The following CTNND2 variants were observed in gnomAD, a reference collection of about 807,000 sequenced individuals.
CTNND2 encodes the protein catenin delta-2.
Under a neutral mutation model 144.4 loss-of-function variants are expected in CTNND2, and 22 were observed. The ratio of observed to expected loss-of-function variants is 0.15; its 90% CI spans 0.11 to 0.22. CTNND2 has a LOEUF of 0.22. Ranked by LOEUF, CTNND2 falls within the 10% of genes least tolerant of loss-of-function variation. The pLI is 1.00. For missense variants in CTNND2, 1,353 were observed against 1,618.8 expected (o/e 0.84, Z 2.82); for synonymous variants, 751 against 695.6 (o/e 1.08, Z -1.25).
chr5:10,992,297 G>A (rs1554018847), intron 19 of CTNND2, among the ~76,000 whole-genome samples: 2 of 152,290 alleles, frequency 1.3e-5, no homozygotes, highest in Admixed American at 1.3e-4. Flanking sequence ...CTTTATACTC[G>A]TTCCTCCTGA....
At chr5:10,990,116 T>A (rs1561131151) in intron 19 of CTNND2, among the ~76,000 whole-genome samples, 7 of 152,230 alleles carry the variant, frequency 4.6e-5, no homozygotes, top group Admixed American at 4.6e-4. Flanking sequence ...AGGACAAGCC[T>A]GGAGCTGCAA....
At chr5:11,727,528 T>A (rs1255655054) in intron 2 of CTNND2, among the ~76,000 whole-genome samples, 1 of 152,212 alleles carries the variant, frequency 6.6e-6, no homozygotes, top group African/African-American at 2.4e-5. Flanking sequence ...GCTTTTTTTT[T>A]CATTTCTAAT....
intron 10 of CTNND2, among the ~76,000 whole-genome samples, chr5:11,200,171 A>G (rs1246271575): frequency 6.6e-6 from 1 of 152,220 alleles, no homozygotes; most frequent in Non-Finnish European, 1.5e-5. Flanking sequence ...TTATCTCAGA[A>G]GACCCGCGGA....
chr5:11,059,311 C>T (rs906135542), intron 16 of CTNND2, among the ~76,000 whole-genome samples: 2 of 152,166 alleles, frequency 1.3e-5, no homozygotes, highest in Non-Finnish European at 1.5e-5. Context: ...GCAGGTCTTT[C>T]TTGTTCTGTT....
chr5:11,393,239 A>G (rs1294852268), intron 6 of CTNND2, among the ~76,000 whole-genome samples: 1 of 152,214 alleles, frequency 6.6e-6, no homozygotes, highest in Non-Finnish European at 1.5e-5. Flanking sequence ...ACCACTGTTC[A>G]GTTTTATTTT....
intron 18 of CTNND2, among the ~76,000 whole-genome samples, chr5:11,006,033 T>C (rs959561142): frequency 2.6e-5 from 4 of 151,980 alleles, no homozygotes; most frequent in African/African-American, 9.7e-5. Flanking sequence ...GAAGTTCTCA[T>C]GAGACAGGTT....
chr5:11,465,789 C>T (rs1450994765), intron 3 of CTNND2, among the ~76,000 whole-genome samples: 2 of 152,128 alleles, frequency 1.3e-5, no homozygotes, highest in African/African-American at 2.4e-5. Flanking sequence ...CTGGAGTTTG[C>T]TATTATTTCT....
At chr5:11,128,979 A>ATATATATATTATATAT (rs1561351200) in intron 12 of CTNND2, among the ~76,000 whole-genome samples, 1 of 42,414 alleles carries the variant, frequency 2.4e-5, no homozygotes, top group African/African-American at 6.8e-5. Context: ...TATAATATAT[A>ATATATATATTATATAT]AATATATATA....
intron 3 of CTNND2, among the ~76,000 whole-genome samples, chr5:11,491,174 G>A (rs191682876): frequency 1.8e-4 from 27 of 152,182 alleles, no homozygotes; most frequent in Admixed American, 4.6e-4. Context: ...GTTATGACAC[G>A]GATTATTATT....
At chr5:11,663,585 C>A (rs1311667990) in intron 2 of CTNND2, among the ~76,000 whole-genome samples, 1 of 152,204 alleles carries the variant, frequency 6.6e-6, no homozygotes, top group Non-Finnish European at 1.5e-5. Context: ...ATGATAAATT[C>A]TTTTCTTAAT....
chr5:11,070,310 A>G (rs1324440025), intron 16 of CTNND2, among the ~76,000 whole-genome samples: 1 of 152,246 alleles, frequency 6.6e-6, no homozygotes, highest in Non-Finnish European at 1.5e-5. Flanking sequence ...ATTGGAAAAT[A>G]CAATATCAGA....
rs534487634 is a variant in CTNND2 at position 11,424,580 on chromosome 5, A to AG, written c.288-12512dup. ...TACTTAAGCAAGATAAGACTATTGGAGGGGCTAGGCGAAGTTAGAAGAGAC... is the reference window on the plus strand; with the variant it reads ...TACTTAAGCAAGATAAGACTATTGGAGGGGGCTAGGCGAAGTTAGAAGAGAC... On this transcript the variant is annotated intron_variant, in intron 3 of 21. Coordinates refer to ENST00000304623, the MANE Select transcript of CTNND2 (RefSeq NM_001332.4). Among the ~76,000 whole-genome samples the AG allele has an allele frequency of 1.2e-4, 18 of 152,078 alleles. 1 individual carries two copies. The South Asian group carries it at 3.7e-3, about 32-fold the overall frequency.
chr5:11,314,252 A>G (rs1163177189), intron 9 of CTNND2, among the ~76,000 whole-genome samples: 1 of 152,044 alleles, frequency 6.6e-6, no homozygotes, highest in Non-Finnish European at 1.5e-5. Context: ...CTGCTTGATC[A>G]TTTCTCGTTC....
chr5:11,887,411 A>G (rs902722954), intron 1 of CTNND2, among the ~76,000 whole-genome samples: 2 of 152,148 alleles, frequency 1.3e-5, no homozygotes, highest in Non-Finnish European at 2.9e-5. Context: ...ATCAATTTGA[A>G]TAATAATTCT....
chr5:11,781,820 C>T (rs1486606428), intron 1 of CTNND2, among the ~76,000 whole-genome samples: 2 of 152,182 alleles, frequency 1.3e-5, no homozygotes, highest in Admixed American at 1.3e-4. Flanking sequence ...TTTGGACCTA[C>T]CATCTAATTT....
rs1412123031 is a variant in CTNND2 at position 11,599,646 on chromosome 5, T to TA, written c.175-34591dup. On this transcript the variant is annotated intron_variant, in intron 2 of 21. Transcript: ENST00000304623. ...ATCCCAAACAAGTAGAACTTGTACT[T>TA]ATTCATGAGGTCCACGTAGATCAAA... is the stretch of plus-strand genomic sequence containing the variant. 3.9e-5 allele frequency among the ~76,000 whole-genome samples: 6 copies of TA among 152,160 alleles called. No individual in the cohort carries two copies. The East Asian group carries it at 7.7e-4, about 20-fold the overall frequency.
intron 2 of CTNND2, among the ~76,000 whole-genome samples, chr5:11,582,016 T>C (rs747444511): frequency 5.9e-5 from 9 of 152,222 alleles, no homozygotes; most frequent in Non-Finnish European, 1.0e-4. Flanking sequence ...AGACTTTTAC[T>C]GACCAAGGAC....
chr5:11,321,658 G>A (rs1211583096), intron 9 of CTNND2, among the ~76,000 whole-genome samples: 2 of 152,164 alleles, frequency 1.3e-5, no homozygotes. Context: ...GGAAACTTGT[G>A]AGGGACAGTC....
chr5:11,710,680 A>G (rs1243335012), intron 2 of CTNND2, among the ~76,000 whole-genome samples: 1 of 152,208 alleles, frequency 6.6e-6, no homozygotes, highest in Non-Finnish European at 1.5e-5. Context: ...GATGAAAAAC[A>G]AACATGAACT....
Sources: gnomAD v4.1 joint callset for allele counts (sites outside exome capture counted in the v4.1 genomes callset) on GRCh38, gnomAD v4.1.1 for gene constraint, MANE v1.5 for transcripts, NCBI Gene and HGNC (gene_info 2026-07-23, HGNC 2026-07-21) for gene names.